EIF4G3: variants seen among roughly 807,000 people sequenced by gnomAD.
The protein encoded by EIF4G3 is eIF-4-gamma 3.
A neutral mutation model predicts 186.4 loss-of-function variants in EIF4G3; 34 were observed. The observed-to-expected ratio is 0.18, with a 90% confidence interval of 0.14 to 0.24. EIF4G3 has a LOEUF of 0.24. Ranked by LOEUF, EIF4G3 falls within the 10% of genes least tolerant of loss-of-function variation. EIF4G3 has a pLI of 1.00. For missense variants in EIF4G3, 1,536 were observed against 1,948.5 expected (o/e 0.79, Z 3.99); for synonymous variants, 673 against 679.5 (o/e 0.99, Z 0.15).
At chr1:21,044,003 CA>C (rs1460227743) in intron 4 of EIF4G3, among the ~76,000 whole-genome samples, 7 of 151,666 alleles carry the variant, frequency 4.6e-5, no homozygotes, top group African/African-American at 1.5e-4. Context: ...AAAAAATGAC[CA>C]AAAGAGCTGA....
At chr1:21,011,354 T>C (rs1044070303) in intron 4 of EIF4G3, among the ~76,000 whole-genome samples, 5 of 152,102 alleles carry the variant, frequency 3.3e-5, no homozygotes, top group African/African-American at 1.2e-4. Context: ...TAAGTTGAAA[T>C]AATTATAGAT....
chr1:21,022,493 TA>T (rs2090969652), intron 4 of EIF4G3, among the ~76,000 whole-genome samples: 1 of 152,238 alleles, frequency 6.6e-6, no homozygotes, highest in Non-Finnish European at 1.5e-5. Flanking sequence ...ATTAGCCCTT[TA>T]CTTCCTGTTC....
intron 34 of EIF4G3, among the ~76,000 whole-genome samples, chr1:20,816,481 C>T (rs528643457): frequency 9.6e-6 from 1 of 104,042 alleles, no homozygotes; most frequent in East Asian, 3.4e-4. Context: ...TCGCCCCGTC[C>T]GGGAGGGAGG....
Position 20,829,221 on chromosome 1 carries a change from A to G in EIF4G3, c.4113T>C (p.His1371=), listed in dbSNP as rs1253966257. 6.2e-7 allele frequency: 1 copy of G among 1,613,894 alleles called. No homozygotes were observed. The highest frequency in any genetic ancestry group is 2.2e-5 in the East Asian group (1 of 44,882). ...CCAGTTCAGCAAGGTACAACCAAAT[A>G]TGGGGAATATCAATGGCCATGTCAT... The part of the protein sequence containing the change: ...LADDMAIDIP[H]IWLYLAELVT... The change falls in exon 31 of 37, where the codon CAT becomes CAC. Residue 1371 remains histidine, a synonymous_variant. Coordinates refer to ENST00000602326, the MANE Select transcript of EIF4G3 (RefSeq NM_001391906.1).
Position 20,944,351 on chromosome 1 carries a change from C to G in EIF4G3, c.824-2021G>C, listed in dbSNP as rs142044373. 5.8e-3 allele frequency among the ~76,000 whole-genome samples: 887 copies of G among 151,858 alleles called. 6 individuals are homozygous for G. The highest frequency in any genetic ancestry group is 0.02 in the Middle Eastern group (6 of 294). On this transcript the variant is annotated intron_variant, in intron 13 of 36. Coordinates refer to ENST00000602326, the MANE Select transcript of EIF4G3 (RefSeq NM_001391906.1). ...GCAACATAGTGAGACCTTTTGTCTA[C>G]AAAAAATTAAAAGATTAGCCAGGTG...
In EIF4G3 at chr1:20,997,603, G is replaced by C. The variant is rs1466100238; in HGVS notation, c.175C>G (p.Gln59Glu). ...FAAGPRPPHH[Q>E]GGFRPIQFFQ... ...GTGAAGGGGCAAGGGTACAGTACCT[G>C]ATGATGGGGAGGTCGAGGCCCCGCT... Residue 59 changes from glutamine to glutamate, a missense_variant and splice_region_variant, in exon 7 of 37, where the codon CAG becomes GAG. Around this residue, in one of 11 missense-constraint regions of EIF4G3, gnomAD observed 194 missense variants for 212.8 expected, o/e 0.91. Coordinates refer to ENST00000602326, the MANE Select transcript of EIF4G3 (RefSeq NM_001391906.1). 4 of 1,548,550 alleles carry C rather than the reference G, an allele frequency of 2.6e-6. No homozygotes were observed. In the African/African-American group the frequency reaches 4.1e-5, roughly 16 times the overall value.
Position 21,176,235 on chromosome 1 carries a change from G to A in EIF4G3, c.-332C>T, listed in dbSNP as rs1182201195. The stretch of plus-strand genomic sequence containing the variant: ...CGGGTGAGGAGGGGGGACCGCTGCC[G>A]CCGCCGCCGCCGCCGCCGCCGCCGC... On this transcript the variant is annotated 5_prime_UTR_variant, in exon 2 of 37. Coordinates refer to ENST00000602326, the MANE Select transcript of EIF4G3 (RefSeq NM_001391906.1). The A allele has an allele frequency of 4.1e-4, 98 of 238,214 alleles. 1 individual carries two copies. In the East Asian group the frequency reaches 4.6e-3, roughly 11 times the overall value. 14.8% of individuals were successfully genotyped at this position (238,214 alleles called of 1,614,324 possible).
At chr1:21,035,081 C>T (rs765161215) in intron 4 of EIF4G3, among the ~76,000 whole-genome samples, 1 of 152,070 alleles carries the variant, frequency 6.6e-6, no homozygotes, top group Non-Finnish European at 1.5e-5. Context: ...CAGTAGGACC[C>T]CTGTGCCCAT....
At chr1:21,132,859 T>C (rs949603015) in intron 2 of EIF4G3, among the ~76,000 whole-genome samples, 5 of 152,200 alleles carry the variant, frequency 3.3e-5, no homozygotes, top group Admixed American at 2.0e-4. Context: ...CTTGGCTCAC[T>C]GCAACTTCCG....
chr1:21,023,201 T>C lies in EIF4G3; in HGVS notation c.-66-20393A>G, dbSNP rs578177253. ...TTACCTAACAACAGTAAAAATGACA[T>C]AGAAAGTGGTGTAAGGGCTCTCCCT... On this transcript the variant is annotated intron_variant, in intron 4 of 36. Coordinates refer to ENST00000602326, the MANE Select transcript of EIF4G3 (RefSeq NM_001391906.1). Among the ~76,000 whole-genome samples, 52 of 149,884 alleles carry C rather than the reference T, an allele frequency of 3.5e-4. No homozygotes were observed. The South Asian group carries it at 1.0e-2, about 29-fold the overall frequency.
chr1:20,854,556 T>C (rs1344785437), intron 26 of EIF4G3, among the ~76,000 whole-genome samples: 2 of 127,098 alleles, frequency 1.6e-5, no homozygotes, highest in Non-Finnish European at 3.6e-5. Flanking sequence ...AAAAAAAAAA[T>C]CAGCCAGGTG....
intron 25 of EIF4G3, among the ~76,000 whole-genome samples, chr1:20,856,892 G>A (rs12737291): frequency 0.02 from 3,111 of 152,218 alleles, 59 homozygotes; most frequent in Non-Finnish European, 0.027. Context: ...GCCGGGCGCG[G>A]TGGCTCACGC....
At chr1:21,153,929 AT>A (rs1205949073) in intron 2 of EIF4G3, among the ~76,000 whole-genome samples, 1 of 151,998 alleles carries the variant, frequency 6.6e-6, no homozygotes, top group Non-Finnish European at 1.5e-5. Flanking sequence ...TGTGGTTTAC[AT>A]TGCTGAACAT....
intron 22 of EIF4G3, 40 bp from the exon 23 acceptor site, chr1:20,862,372 C>CTTT (rs756722513): frequency 8.0e-7 from 1 of 1,242,408 alleles, no homozygotes; most frequent in South Asian, 1.3e-5. Context: ...GTCTGAGAAA[C>CTTT]TTAAACGTAA....
chr1:21,041,902 G>A (rs1333742521), intron 4 of EIF4G3, among the ~76,000 whole-genome samples: 2 of 151,718 alleles, frequency 1.3e-5, no homozygotes, highest in African/African-American at 4.8e-5. Flanking sequence ...CTAGACATTA[G>A]AGGGAAAAAA....
intron 3 of EIF4G3, among the ~76,000 whole-genome samples, chr1:21,051,702 A>T (rs901977899): frequency 9.9e-5 from 15 of 151,626 alleles, no homozygotes; most frequent in South Asian, 2.1e-4. Flanking sequence ...ATAAAAAAAA[A>T]TTTTTTTTTC....
chr1:20,914,423 G>C (rs949575728), intron 14 of EIF4G3, among the ~76,000 whole-genome samples: 1 of 152,046 alleles, frequency 6.6e-6, no homozygotes, highest in Non-Finnish European at 1.5e-5. Flanking sequence ...TGGCTTTGAA[G>C]ATGGAGGAAG....
At chr1:20,949,897 CTAAA>C in intron 13 of EIF4G3, 102 bp downstream of exon 13, 3 of 959,490 alleles carry the variant, frequency 3.1e-6, no homozygotes, top group Non-Finnish European at 4.8e-6. Context: ...AGGTGGGTGT[CTAAA>C]TAATCCTTGG....
intron 4 of EIF4G3, among the ~76,000 whole-genome samples, chr1:21,030,265 G>A (rs867665242): frequency 6.6e-6 from 1 of 152,192 alleles, no homozygotes; most frequent in Non-Finnish European, 1.5e-5. Flanking sequence ...CATCTTGTAA[G>A]CTCCCATAAT....
Sources: gnomAD v4.1 joint callset for allele counts (sites outside exome capture counted in the v4.1 genomes callset) on GRCh38, gnomAD v4.1.1 for gene constraint, gnomAD v4.1.1 regional missense constraint, MANE v1.5 for transcripts, NCBI Gene and HGNC (gene_info 2026-07-23, HGNC 2026-07-21) for gene names.